ARHGAP23: variants seen among roughly 807,000 people sequenced by gnomAD.
ARHGAP23 encodes the protein Rho GTPase activating protein 23, also known as rho GTPase-activating protein 23.
Under a neutral mutation model 136.3 loss-of-function variants are expected in ARHGAP23, and 34 were observed. That is an observed-to-expected ratio of 0.25 (90% CI 0.19 to 0.33). The LOEUF is 0.33. ARHGAP23 is among the 10% of genes least tolerant of loss of function. ARHGAP23 has a pLI of 1.00. For synonymous variants in ARHGAP23, 832 were observed against 920.5 expected (o/e 0.90, Z 1.74); for missense variants, 1,808 against 2,139.0 (o/e 0.85, Z 3.05).
chr17:38,508,158 GAGCT>G (rs1234268742), intron 23 of ARHGAP23, among the ~76,000 whole-genome samples: 1 of 152,232 alleles, frequency 6.6e-6, no homozygotes, highest in Non-Finnish European at 1.5e-5. Flanking sequence ...GATGTGAGAA[GAGCT>G]AGGAGCATAG....
intron 20 of ARHGAP23, among the ~76,000 whole-genome samples, chr17:38,496,682 T>C (rs2040399236): frequency 6.6e-6 from 1 of 152,016 alleles, no homozygotes; most frequent in East Asian, 1.9e-4. Context: ...ATTAAAACAA[T>C]CTGTGGTATG....
intron 11 of ARHGAP23, among the ~76,000 whole-genome samples, chr17:38,473,293 G>A (rs1467475997): frequency 6.6e-6 from 1 of 151,952 alleles, no homozygotes; most frequent in Non-Finnish European, 1.5e-5. Flanking sequence ...GCCTTCTGGG[G>A]TCTTGGGGGT....
Position 38,466,920 on chromosome 17 carries a change from G to A in ARHGAP23, c.1237G>A (p.Asp413Asn). The A allele has an allele frequency of 6.4e-7, 1 of 1,550,492 alleles. No individual in the cohort carries two copies. Among genetic ancestry groups the A allele is most frequent in the South Asian group, 1.2e-5 (1 of 84,064 alleles). Reference protein sequence around the residue: ...PPPSGLQGLDDLGYIGYRSYS... With the variant: ...PPPSGLQGLDNLGYIGYRSYS... ...CCCGTCTGGCCTGCAGGGCCTGGATGACCTCGGGTACATCGGCTACCGGAG... is the reference window on the plus strand; with the variant it reads ...CCCGTCTGGCCTGCAGGGCCTGGATAACCTCGGGTACATCGGCTACCGGAG... Residue 413 changes from aspartate (D) to asparagine (N), a missense_variant, in exon 7 of 24, where the codon GAC becomes AAC. By Grantham distance (23) the Asp-to-Asn change is conservative. Coordinates refer to ENST00000622683, the MANE Select transcript of ARHGAP23 (RefSeq NM_001199417.2).
chr17:38,429,863 T>C (rs2038648489), intron 1 of ARHGAP23, among the ~76,000 whole-genome samples: 1 of 152,140 alleles, frequency 6.6e-6, no homozygotes, highest in Non-Finnish European at 1.5e-5. Flanking sequence ...TGATCCCATG[T>C]GGTTCTCCCC....
At position 38,498,756 on chromosome 17, in the gene ARHGAP23, C is replaced by T. The variant is rs529855110; in HGVS notation, c.3415+246C>T. On this transcript the variant is annotated intron_variant, in intron 22 of 23. Transcript: ENST00000622683. ...GCAGGGTCGGAGCTTTGTTCGCCCTCTCTCACTGGTTTCTTTCCTCAGCCT... is the reference window on the plus strand; with the variant it reads ...GCAGGGTCGGAGCTTTGTTCGCCCTTTCTCACTGGTTTCTTTCCTCAGCCT... Among the ~76,000 whole-genome samples, 327 of 152,332 alleles carry T rather than the reference C, an allele frequency of 2.1e-3. 1 individual carries two copies. Among genetic ancestry groups the T allele is most frequent in the African/African-American group, 7.7e-3 (318 of 41,560 alleles).
chr17:38,495,631 C>A (rs1049242736), intron 20 of ARHGAP23, among the ~76,000 whole-genome samples: 1 of 152,154 alleles, frequency 6.6e-6, no homozygotes, highest in East Asian at 1.9e-4. Flanking sequence ...AATCACATGT[C>A]AGATCATGAG....
intron 20 of ARHGAP23, among the ~76,000 whole-genome samples, chr17:38,494,940 C>A (rs8065472): frequency 0.68 from 102,610 of 151,828 alleles, 36,092 homozygotes; most frequent in East Asian, 0.91. Flanking sequence ...TTCCAACCTG[C>A]ATTAACGGCT....
chr17:38,423,519 A>C (rs8079561), upstream of ARHGAP23, among the ~76,000 whole-genome samples: 4 of 151,474 alleles, frequency 2.6e-5, no homozygotes, highest in Admixed American at 6.6e-5. Flanking sequence ...TTACAGGCGC[A>C]CACCACCACG....
upstream of ARHGAP23, among the ~76,000 whole-genome samples, chr17:38,426,550 CAAAAA>C (rs751365956): frequency 9.8e-5 from 5 of 51,228 alleles, no homozygotes; most frequent in African/African-American, 1.5e-4. Context: ...AACTCCATCT[CAAAAA>C]AAAAAAAAAA....
intron 6 of ARHGAP23, 118 bp downstream of exon 6, chr17:38,463,500 G>A: frequency 8.0e-7 from 1 of 1,244,178 alleles, no homozygotes; most frequent in Admixed American, 2.0e-5. Context: ...CCCAGTTGGG[G>A]ATGCCAGGCC....
At chr17:38,478,431 T>TC (rs2039951078) in intron 12 of ARHGAP23, among the ~76,000 whole-genome samples, 1 of 151,350 alleles carries the variant, frequency 6.6e-6, no homozygotes, top group South Asian at 2.1e-4. Flanking sequence ...TTTTTTTTTT[T>TC]TGAGGCAGAG....
chr17:38,501,660 G>A (rs534643413), intron 23 of ARHGAP23, among the ~76,000 whole-genome samples: 2 of 152,034 alleles, frequency 1.3e-5, no homozygotes, highest in African/African-American at 4.8e-5. Flanking sequence ...CAATAACTTA[G>A]GTGAAATAGA....
chr17:38,475,935 A>G (rs2039883060), intron 11 of ARHGAP23, among the ~76,000 whole-genome samples: 1 of 152,200 alleles, frequency 6.6e-6, no homozygotes, highest in Admixed American at 6.5e-5. Context: ...GGAAGAAGGA[A>G]GCAGCCACAT....
chr17:38,508,607 C>T (rs913383486), intron 23 of ARHGAP23, among the ~76,000 whole-genome samples: 5 of 152,034 alleles, frequency 3.3e-5, no homozygotes, highest in African/African-American at 1.2e-4. Context: ...AGGGTGGAGG[C>T]AGGAAACCCT....
chr17:38,470,762 C>T (rs1352995655), intron 10 of ARHGAP23, among the ~76,000 whole-genome samples: 1 of 151,936 alleles, frequency 6.6e-6, no homozygotes, highest in Non-Finnish European at 1.5e-5. Context: ...GTCTCGAACT[C>T]CTGACGTCAG....
intron 23 of ARHGAP23, among the ~76,000 whole-genome samples, chr17:38,502,147 T>TA (rs904842781): frequency 4.5e-4 from 68 of 152,014 alleles, no homozygotes; most frequent in Middle Eastern, 3.4e-3. Flanking sequence ...CTACTAAAAA[T>TA]ACAAAAAAAT....
At chr17:38,424,310 CCAAA>C (rs369050407), upstream of ARHGAP23, among the ~76,000 whole-genome samples, 162 of 152,256 alleles carry the variant, frequency 1.1e-3, 1 homozygote, top group African/African-American at 3.5e-3. Context: ...TCTTCCCCAC[CCAAA>C]CAGACACCTG....
At chr17:38,424,094 G>GA (rs144101998), upstream of ARHGAP23, among the ~76,000 whole-genome samples, 7,495 of 152,152 alleles carry the variant, frequency 0.049, 639 homozygotes, top group African/African-American at 0.17. Flanking sequence ...GGGGGCTGGG[G>GA]CGCAGGGAGG....
At chr17:38,424,761 C>A (rs1050284025), upstream of ARHGAP23, among the ~76,000 whole-genome samples, 2 of 152,162 alleles carry the variant, frequency 1.3e-5, no homozygotes, top group African/African-American at 4.8e-5. Flanking sequence ...TCCTGTGTGG[C>A]CTTGGGTAAG....
Sources: gnomAD v4.1 joint callset for allele counts (sites outside exome capture counted in the v4.1 genomes callset) on GRCh38, gnomAD v4.1.1 for gene constraint, MANE v1.5 for transcripts, NCBI Gene and HGNC (gene_info 2026-07-23, HGNC 2026-07-21) for gene names.